Variants in PABPC4L observed in about 807,000 individuals in gnomAD.
PABPC4L encodes the protein poly(A) binding protein cytoplasmic 4 like, also known as polyadenylate-binding protein 4-like.
For missense variants in PABPC4L, 452 were observed against 451.4 expected, an observed-to-expected ratio of 1.00 and a Z score of -0.01; for synonymous variants, 169 against 164.1, an observed-to-expected ratio of 1.03 and a Z score of -0.23.
the PABPC4L span, among the ~76,000 whole-genome samples, chr4:134,049,686 C>A: frequency 6.6e-6 from 1 of 152,162 alleles, no homozygotes; most frequent in African/African-American, 2.4e-5. Context: ...CTTACTTTTT[C>A]TCCTACGGCC....
At chr4:134,060,055 G>A in the PABPC4L span, among the ~76,000 whole-genome samples, 7 of 152,046 alleles carry the variant, frequency 4.6e-5, no homozygotes, top group African/African-American at 1.4e-4. Context: ...CAGTGATTGC[G>A]AGACATTGCA....
the PABPC4L span, among the ~76,000 whole-genome samples, chr4:134,076,434 G>GT: frequency 5.3e-5 from 8 of 152,148 alleles, no homozygotes; most frequent in Non-Finnish European, 1.2e-4. Flanking sequence ...AGGGCCAGCA[G>GT]TAACAGTGAA....
chr4:134,079,372 A>C, the PABPC4L span, among the ~76,000 whole-genome samples: 1 of 150,674 alleles, frequency 6.6e-6, no homozygotes, highest in African/African-American at 2.4e-5. Context: ...ACGAGGTCGG[A>C]GATCGAGACC....
At chr4:133,975,081 A>G in the PABPC4L span, among the ~76,000 whole-genome samples, 1,521 of 152,266 alleles carry the variant, frequency 1.0e-2, 13 homozygotes, top group Non-Finnish European at 0.015. Context: ...ATTGCCAGAT[A>G]GTGGAAACAA....
the PABPC4L span, among the ~76,000 whole-genome samples, chr4:134,059,926 T>G: frequency 6.6e-6 from 1 of 152,190 alleles, no homozygotes; most frequent in South Asian, 2.1e-4. Context: ...TTCGTATCTC[T>G]AAAAGAAGCA....
At chr4:134,167,430 A>G in the PABPC4L span, among the ~76,000 whole-genome samples, 1 of 151,836 alleles carries the variant, frequency 6.6e-6, no homozygotes, top group East Asian at 1.9e-4. Context: ...ATAATAATAA[A>G]TAAATAATAA....
chr4:134,064,796 T>C, the PABPC4L span, among the ~76,000 whole-genome samples: 5 of 152,060 alleles, frequency 3.3e-5, no homozygotes, highest in African/African-American at 9.7e-5. Flanking sequence ...CTTCCTTCTT[T>C]GTGTCCGTAT....
At chr4:134,024,754 A>C in the PABPC4L span, among the ~76,000 whole-genome samples, 3 of 151,434 alleles carry the variant, frequency 2.0e-5, no homozygotes, top group African/African-American at 7.2e-5. Flanking sequence ...ATTTTTTTTA[A>C]TAAGTTCTTA....
the PABPC4L span, among the ~76,000 whole-genome samples, chr4:134,087,900 A>G: frequency 1.3e-5 from 2 of 152,050 alleles, no homozygotes; most frequent in East Asian, 3.9e-4. Flanking sequence ...ACGTTAATAC[A>G]TCTAGTACCA....
At chr4:134,098,713 C>A in the PABPC4L span, among the ~76,000 whole-genome samples, 1 of 151,574 alleles carries the variant, frequency 6.6e-6, no homozygotes, top group South Asian at 2.1e-4. Flanking sequence ...GATAGAAATG[C>A]TAGTCAGACT....
chr4:133,974,618 A>G, the PABPC4L span, among the ~76,000 whole-genome samples: 1 of 152,160 alleles, frequency 6.6e-6, no homozygotes, highest in East Asian at 1.9e-4. Context: ...TTTGCAAATT[A>G]TATATCTGAT....
the PABPC4L span, among the ~76,000 whole-genome samples, chr4:134,012,115 T>C: frequency 6.6e-6 from 1 of 152,158 alleles, no homozygotes; most frequent in Non-Finnish European, 1.5e-5. Context: ...CAATGCTAGC[T>C]CTGTTGCCCC....
chr4:134,053,039 A>T, the PABPC4L span, among the ~76,000 whole-genome samples: 1 of 152,102 alleles, frequency 6.6e-6, no homozygotes, highest in East Asian at 1.9e-4. Flanking sequence ...CATGCTTTGA[A>T]GTAGCTAAAT....
the PABPC4L span, chr4:133,978,691 T>C: frequency 6.6e-6 from 1 of 152,186 alleles, no homozygotes; most frequent in African/African-American, 2.4e-5. Flanking sequence ...AAGAATTGAA[T>C]ATAAATTTAT....
the PABPC4L span, among the ~76,000 whole-genome samples, chr4:134,139,024 A>G: frequency 6.6e-6 from 1 of 151,916 alleles, no homozygotes; most frequent in Non-Finnish European, 1.5e-5. Context: ...TTACAATATC[A>G]TTAAATCCTA....
chr4:134,200,760 T>A lies in PABPC4L; in HGVS notation c.260A>T (p.Gln87Leu). ...AGATCTCCTCAAGTAGGCATCGCGC[T>A]GAGACCACATGAGACGGATGGATTT... ...KGKSIRLMWS[Q>L]RDAYLRRSGI... is the part of the protein sequence containing the mutation. The change falls in exon 2 of 2, where the codon CAG becomes CTG. Residue 87 changes from glutamine to leucine, a missense_variant. Transcript: ENST00000421491. 2 of 1,551,754 alleles carry A rather than the reference T, an allele frequency of 1.3e-6. No homozygotes were observed. The highest frequency in any genetic ancestry group is 1.7e-6 in the Non-Finnish European group (2 of 1,146,980).
downstream of PABPC4L, among the ~76,000 whole-genome samples, chr4:134,193,652 C>T (rs917107328): frequency 6.6e-5 from 10 of 151,822 alleles, no homozygotes; most frequent in African/African-American, 2.4e-4. Flanking sequence ...TGTTGGGCAT[C>T]AATATTTAAT....
the PABPC4L span, among the ~76,000 whole-genome samples, chr4:133,989,652 TC>T: frequency 6.6e-6 from 1 of 152,100 alleles, no homozygotes; most frequent in South Asian, 2.1e-4. Context: ...TGTTCTGTCT[TC>T]TTCTGAGCCC....
the PABPC4L span, among the ~76,000 whole-genome samples, chr4:134,003,652 C>T: frequency 4.6e-5 from 7 of 151,836 alleles, no homozygotes; most frequent in South Asian, 2.1e-4. Context: ...ATGAGCCATG[C>T]CCATGTTCAG....
Sources: allele counts gnomAD v4.1 joint callset (sites outside exome capture counted in the v4.1 genomes callset), GRCh38; gene constraint gnomAD v4.1.1; transcripts MANE v1.5; gene names NCBI Gene and HGNC (gene_info 2026-07-23, HGNC 2026-07-21).